The following SPRYD3 variants were observed in gnomAD, a reference collection of about 807,000 sequenced individuals.
SPRYD3 encodes the protein SPRY domain containing 3.
SPRYD3 carries 17 observed loss-of-function variants against 50.1 expected under a neutral mutation model. The ratio of observed to expected loss-of-function variants is 0.34; its 90% confidence interval spans 0.23 to 0.51. SPRYD3 has a LOEUF of 0.51. Among genes scored for constraint, SPRYD3 ranks in the 20% least tolerant of loss-of-function variants. The probability of loss-of-function intolerance (pLI) is 0.97; values close to 1 mark genes in which losing one functional copy is unlikely to be tolerated. For synonymous variants in SPRYD3, 198 were observed against 215.5 expected (o/e 0.92, Z 0.71); for missense variants, 401 against 591.2 (o/e 0.68, Z 3.34).
intron 1 of SPRYD3, 58 bp from the exon 2 acceptor site, chr12:53,077,319 C>T (rs1944596340): frequency 6.3e-6 from 10 of 1,591,020 alleles, no homozygotes; most frequent in Admixed American, 1.7e-5. Flanking sequence ...AGCACCTCAG[C>T]CTCTGTGACC....
intron 6 of SPRYD3, among the ~76,000 whole-genome samples, chr12:53,069,682 C>G (rs557695538): frequency 6.6e-6 from 1 of 152,332 alleles, no homozygotes; most frequent in Non-Finnish European, 1.5e-5. Flanking sequence ...AGCCCATCCC[C>G]AAGGCCACAC....
At position 53,066,351 on chromosome 12, in the gene SPRYD3, T is replaced by C. The variant is rs1407496099; in HGVS notation, c.1157A>G (p.Glu386Gly). 1.2e-6 allele frequency: 2 copies of C among 1,613,980 alleles called. No individual in the cohort carries two copies. Among genetic ancestry groups the C allele is most frequent in the South Asian group, 1.1e-5 (1 of 91,064 alleles). ...GCCCTCATGCTCCGGCTCTATCTCTTCCCCATCCTCTTCCTCTTCCTCTTC... is the reference window on the plus strand; with the variant it reads ...GCCCTCATGCTCCGGCTCTATCTCTCCCCCATCCTCTTCCTCTTCCTCTTC... Reference protein sequence around the residue: ...EEEEEEEEDGEEIEPEHEGRK... With the variant: ...EEEEEEEEDGGEIEPEHEGRK... The change falls in exon 10 of 11, where the codon GAA becomes GGA. Residue 386 changes from glutamate (E) to glycine (G), a missense_variant. By Grantham distance (98) the Glu-to-Gly change is moderately conservative. Coordinates refer to ENST00000301463, the MANE Select transcript of SPRYD3 (RefSeq NM_032840.3).
In SPRYD3 at chr12:53,073,371, A is replaced by G. The variant is rs774917502; in HGVS notation, c.608T>C (p.Leu203Pro). The change falls in exon 6 of 11, where the codon CTG (leucine) becomes CCG (proline). Residue 203 changes from leucine to proline, a missense_variant. Coordinates refer to ENST00000301463, the MANE Select transcript of SPRYD3 (RefSeq NM_032840.3). ...CATGACGCTGTCGTCCTCACGGCCC[A>G]GCTCAGCGTTGAGGTGCAGCCGCAC... ...EEVRLHLNAE[L>P]GREDDSVMMV... 23 of 1,591,146 alleles carry G rather than the reference A, an allele frequency of 1.4e-5. No individual in the cohort carries two copies. The highest frequency in any genetic ancestry group is 1.9e-5 in the Non-Finnish European group (22 of 1,169,648).
chr12:53,077,691 G>A (rs1214178019), intron 1 of SPRYD3, among the ~76,000 whole-genome samples: 2 of 152,206 alleles, frequency 1.3e-5, no homozygotes, highest in Non-Finnish European at 1.5e-5. Context: ...AGGAAGGGCA[G>A]CCACAGGTCC....
intron 5 of SPRYD3, 23 bp from the exon 6 acceptor site, chr12:53,073,494 G>T: frequency 2.0e-6 from 3 of 1,508,714 alleles, no homozygotes; most frequent in Non-Finnish European, 2.7e-6. Flanking sequence ...GAAAGACGGA[G>T]CTGCCACCCG....
intron 2 of SPRYD3, among the ~76,000 whole-genome samples, 176 bp downstream of exon 2, chr12:53,076,939 A>G (rs993806477): frequency 6.7e-6 from 1 of 150,188 alleles, no homozygotes; most frequent in Non-Finnish European, 1.5e-5. Context: ...ACAGAGCGAG[A>G]CTCTGTCTTA....
intron 2 of SPRYD3, 57 bp from the exon 3 acceptor site, chr12:53,075,868 G>A: frequency 7.1e-7 from 1 of 1,413,696 alleles, no homozygotes; most frequent in Non-Finnish European, 1.0e-6. Flanking sequence ...AGTAGGGGGA[G>A]GGCCTCAGCT....
chr12:53,075,723 C>T lies in SPRYD3; in HGVS notation c.246+13G>A, dbSNP rs760713833. The stretch of plus-strand genomic sequence containing the variant: ...GCTCACCCCCTGCTCTGCCCACCCA[C>T]TGCCTTGATCACCTCAAAATAATTG... On this transcript the variant is annotated intron_variant, in intron 3 of 10. Coordinates refer to ENST00000301463, the MANE Select transcript of SPRYD3 (RefSeq NM_032840.3). The T allele has an allele frequency of 2.2e-5, 35 of 1,611,650 alleles. No homozygotes were observed. The highest frequency in any genetic ancestry group is 1.6e-4 in the East Asian group (7 of 44,890).
rs1944509315 is a variant in SPRYD3 at position 53,066,482 on chromosome 12, G to A, written c.1026C>T (p.Asp342=). The A allele has an allele frequency of 6.2e-7, 1 of 1,614,024 alleles. No individual in the cohort carries two copies. Among genetic ancestry groups the A allele is most frequent in the East Asian group, 2.2e-5 (1 of 44,876 alleles). Residue 342 remains aspartate, a synonymous_variant, in exon 10 of 11, where the codon GAC becomes GAT. Transcript: ENST00000301463. ...TCACTGTGTCACAACTGTCATCACT[G>A]TCCCCTAGGAGACCAGGAAACCTGA... is the stretch of plus-strand genomic sequence containing the variant. The part of the protein sequence containing the change: ...PRDYILDSEG[D]SDDSCDTVIL...
intron 10 of SPRYD3, 116 bp from the exon 11 acceptor site, chr12:53,066,082 G>A (rs1045149688): frequency 2.1e-6 from 3 of 1,438,422 alleles, no homozygotes; most frequent in Non-Finnish European, 1.9e-6. Flanking sequence ...GGGCTGGAGA[G>A]GGGCAGTTAA....
rs761636186 is a variant in SPRYD3 at position 53,066,441 on chromosome 12, G to A, written c.1067C>T (p.Ala356Val). 6.2e-7 allele frequency: 1 copy of A among 1,614,126 alleles called. No individual in the cohort carries two copies. The highest frequency in any genetic ancestry group is 2.2e-5 in the East Asian group (1 of 44,876). ...SCDTVILSPT[A>V]RAVRNVRNVM... ...ATTCCGCACGTTCCGGACGGCCCGG[G>A]CAGTCGGAGACAGGATCACTGTGTC... Residue 356 changes from alanine to valine, a missense_variant, in exon 10 of 11, where the codon GCC becomes GTC. Ala to Val is a moderately conservative substitution (Grantham distance 64). Coordinates refer to ENST00000301463, the MANE Select transcript of SPRYD3 (RefSeq NM_032840.3).
intron 3 of SPRYD3, 43 bp from the exon 4 acceptor site, chr12:53,075,262 T>C (rs1378653714): frequency 1.3e-6 from 2 of 1,573,654 alleles, no homozygotes; most frequent in East Asian, 2.3e-5. Context: ...GGCTGGGAAA[T>C]GGGATGAATT....
At chr12:53,073,256 G>GGCCCCGGGGGGGGGGGGGGC in intron 6 of SPRYD3, 30 bp downstream of exon 6, 6 of 424,124 alleles carry the variant, frequency 1.4e-5, no homozygotes, top group Non-Finnish European at 1.8e-5. Context: ...CTCCGACCCA[G>GGCCCCGGGGGGGGGGGGGGC]CCCCTCCCAC....
chr12:53,075,844 C>G (rs758104176), intron 2 of SPRYD3, 33 bp from the exon 3 acceptor site: 1 of 1,576,572 alleles, frequency 6.3e-7, no homozygotes, highest in Non-Finnish European at 8.7e-7. Flanking sequence ...ATTCCATTAG[C>G]AGCCTAGCCC....
At chr12:53,067,128 A>T (rs1159774843) in intron 8 of SPRYD3, among the ~76,000 whole-genome samples, 1 of 151,668 alleles carries the variant, frequency 6.6e-6, no homozygotes, top group African/African-American at 2.4e-5. Context: ...AAAAAAAAAA[A>T]AATTGGAGCG....
chr12:53,074,896 G>T lies in SPRYD3; in HGVS notation c.372-112C>A. On this transcript the variant is annotated intron_variant, in intron 4 of 10. Transcript: ENST00000301463. This position sits in a 1 kb window ranked among gnomAD's most constrained non-coding sequence, Gnocchi z 4.6. Reference sequence around the variant, plus strand: ...TTGCTGCTCCTGGTCATTCTGTGATGGTACCCACTTACGTCCTGGCGTGAG... The same window carrying T: ...TTGCTGCTCCTGGTCATTCTGTGATTGTACCCACTTACGTCCTGGCGTGAG... 7.0e-7 allele frequency: 1 copy of T among 1,437,798 alleles called. No homozygotes were observed. The highest frequency in any genetic ancestry group is 9.7e-7 in the Non-Finnish European group (1 of 1,035,922). 89.1% of individuals were successfully genotyped at this position (1,437,798 alleles called of 1,614,324 possible).
chr12:53,073,261 T>TCCCCCCCC, intron 6 of SPRYD3, 25 bp downstream of exon 6: 1 of 108,968 alleles, frequency 9.2e-6, no homozygotes, highest in Non-Finnish European at 1.9e-5. Flanking sequence ...ACCCAGCCCC[T>TCCCCCCCC]CCCACCCTCC....
intron 1 of SPRYD3, among the ~76,000 whole-genome samples, chr12:53,079,061 T>C (rs1475200783): frequency 1.3e-5 from 2 of 151,890 alleles, no homozygotes; most frequent in African/African-American, 4.8e-5. Context: ...GGGCCCTGTC[T>C]CCTCCCCGGG....
chr12:53,069,383 T>C (rs1371459109), intron 6 of SPRYD3, among the ~76,000 whole-genome samples: 1 of 152,198 alleles, frequency 6.6e-6, no homozygotes, highest in Non-Finnish European at 1.5e-5. Flanking sequence ...CACAGATTCC[T>C]GCCTGAACAG....
Sources: gnomAD v4.1 joint callset for allele counts (sites outside exome capture counted in the v4.1 genomes callset) on GRCh38, gnomAD v4.1.1 for gene constraint, Gnocchi (gnomAD v3.1) non-coding constraint, MANE v1.5 for transcripts, NCBI Gene and HGNC (gene_info 2026-07-23, HGNC 2026-07-21) for gene names.